Variants in ZFP91 observed in about 807,000 individuals in gnomAD.
The protein encoded by ZFP91 is E3 ubiquitin-protein ligase ZFP91.
A neutral mutation model predicts 63.5 loss-of-function variants in ZFP91; 7 were observed. The observed-to-expected ratio is 0.11, with a 90% CI of 0.06 to 0.21. ZFP91 has a LOEUF of 0.21. Ranked by LOEUF, ZFP91 falls within the 10% of genes least tolerant of loss-of-function variation. ZFP91 has a pLI of 1.00. For synonymous variants in ZFP91, 330 were observed against 272.1 expected (o/e 1.21, Z -2.10); for missense variants, 628 against 736.6 (o/e 0.85, Z 1.71).
At chr11:58,595,723 C>T (rs1423298530) in intron 2 of ZFP91, among the ~76,000 whole-genome samples, 3 of 151,516 alleles carry the variant, frequency 2.0e-5, no homozygotes, top group South Asian at 2.1e-4. Flanking sequence ...GACTGGTGTG[C>T]GCCACCACCG....
At position 58,579,120 on chromosome 11, in the gene ZFP91, G is replaced by A; in HGVS notation, c.-162G>A. 1.9e-6 allele frequency: 1 copy of A among 537,600 alleles called. No homozygotes were observed. The highest frequency in any genetic ancestry group is 4.6e-5 in the Admixed American group (1 of 21,870). 33.3% of individuals were successfully genotyped at this position (537,600 alleles called of 1,614,324 possible). On this transcript the variant is annotated 5_prime_UTR_variant, in exon 1 of 11. Transcript: ENST00000316059. Reference sequence around the variant, plus strand: ...GGACCTTGAGTGGCAGGGGGTGGGGGGGGCGCCCTCGGAGCCGGGCGGAGG... The same window carrying A: ...GGACCTTGAGTGGCAGGGGGTGGGGAGGGCGCCCTCGGAGCCGGGCGGAGG...
rs572972321 is a variant in ZFP91, at chr11:58,618,404, G to T, written c.*698G>T. On this transcript the variant is annotated 3_prime_UTR_variant, in exon 11 of 11. Transcript: ENST00000316059. ...ATGGTGCTCACTTGCTTGGAAGCAG[G>T]CTCCCAATAGGGAGGGGGCTGCCCT... 1.1e-5 allele frequency: 3 copies of T among 272,244 alleles called. 1 individual carries two copies. The highest frequency in any genetic ancestry group is 1.1e-4 in the South Asian group (3 of 28,088). 16.9% of individuals were successfully genotyped at this position (272,244 alleles called of 1,614,324 possible). A position where few individuals can be genotyped will look rare whatever the true frequency, so the allele number is the denominator to read the frequency against.
Position 58,612,765 on chromosome 11 carries a change from A to T in ZFP91, c.912A>T (p.Lys304Asn). 6.2e-7 allele frequency: 1 copy of T among 1,604,312 alleles called. No homozygotes were observed. The highest frequency in any genetic ancestry group is 2.2e-5 in the East Asian group (1 of 44,816). Reference protein sequence around the residue: ...DKSPRLPKRRKKPPIQYVRCE... With the variant: ...DKSPRLPKRRNKPPIQYVRCE... Reference sequence around the variant, plus strand: ...TTCTTCTGCATTTTGATAATAGAAAAAAGCCTCCAATCCAGTATGTCCGTT... The same window carrying T: ...TTCTTCTGCATTTTGATAATAGAAATAAGCCTCCAATCCAGTATGTCCGTT... The change falls in exon 8 of 11, where the codon AAA becomes AAT. Residue 304 changes from lysine to asparagine, a missense_variant. Coordinates refer to ENST00000316059, the MANE Select transcript of ZFP91 (RefSeq NM_053023.5).
chr11:58,616,199 T>C (rs541287798), intron 9 of ZFP91, among the ~76,000 whole-genome samples: 2 of 152,348 alleles, frequency 1.3e-5, no homozygotes, highest in African/African-American at 4.8e-5. Flanking sequence ...GAAAAGTTTA[T>C]CTTGAGTAAC....
At chr11:58,607,659 G>A (rs538733076) in intron 2 of ZFP91, among the ~76,000 whole-genome samples, 29 of 151,998 alleles carry the variant, frequency 1.9e-4, no homozygotes, top group Non-Finnish European at 4.3e-4. Flanking sequence ...TGTAATTAAA[G>A]CTAAAATAGC....
chr11:58,593,075 T>G (rs886372916), intron 2 of ZFP91, among the ~76,000 whole-genome samples: 2 of 152,186 alleles, frequency 1.3e-5, no homozygotes, highest in African/African-American at 4.8e-5. Flanking sequence ...CCACCCCCAT[T>G]ACACAAACAC....
chr11:58,615,949 CTT>C (rs1855742655), intron 9 of ZFP91, among the ~76,000 whole-genome samples: 1 of 152,194 alleles, frequency 6.6e-6, no homozygotes. Context: ...GAGAGCATCT[CTT>C]TGTGCACGGG....
intron 2 of ZFP91, among the ~76,000 whole-genome samples, chr11:58,592,957 G>A (rs755009162): frequency 2.0e-5 from 3 of 152,050 alleles, no homozygotes; most frequent in Non-Finnish European, 4.4e-5. Flanking sequence ...GAGTGAGAGC[G>A]AGAGAGAGGG....
chr11:58,609,870 C>A lies in ZFP91; in HGVS notation c.411C>A (p.Leu137=), dbSNP rs1262554647. The change falls in exon 3 of 11, where the codon CTC becomes CTA. Residue 137 remains leucine (L), a synonymous_variant. Coordinates refer to ENST00000316059, the MANE Select transcript of ZFP91 (RefSeq NM_053023.5). The stretch of plus-strand genomic sequence containing the variant: ...AAGAGGAAGAAGACGATTCTGCCCT[C>A]CCTCAGGAAGTTTCCATTGCTGCAT... ...EEKEEEDDSA[L]PQEVSIAASR... 6.2e-7 allele frequency: 1 copy of A among 1,614,184 alleles called. No individual in the cohort carries two copies. Among genetic ancestry groups the A allele is most frequent in the Admixed American group, 1.7e-5 (1 of 60,024 alleles).
intron 2 of ZFP91, among the ~76,000 whole-genome samples, chr11:58,586,614 C>T (rs1855214205): frequency 6.6e-6 from 1 of 152,120 alleles, no homozygotes; most frequent in Admixed American, 6.6e-5. Context: ...GGTAGCTGTT[C>T]AACTCTATGA....
At chr11:58,610,533 C>T (rs1253305700) in intron 4 of ZFP91, among the ~76,000 whole-genome samples, 199 bp downstream of exon 4, 1 of 152,168 alleles carries the variant, frequency 6.6e-6, no homozygotes, top group Non-Finnish European at 1.5e-5. Flanking sequence ...GCTTAGAAAT[C>T]ATGTCTTGAG....
rs2134389321 is a variant in ZFP91, at chr11:58,584,838, G to T, written c.342-18G>T. 6.5e-7 allele frequency: 1 copy of T among 1,539,508 alleles called. No individual in the cohort carries two copies. The highest frequency in any genetic ancestry group is 1.3e-5 in the South Asian group (1 of 77,138). ...TGTGCTAGATTGTTCATTAATGTTTGATTCTTATTTCTTTCAGATGCATAG... is the reference window on the plus strand; with the variant it reads ...TGTGCTAGATTGTTCATTAATGTTTTATTCTTATTTCTTTCAGATGCATAG... On this transcript the variant is annotated intron_variant, in intron 1 of 10. Transcript: ENST00000316059.
At chr11:58,598,090 A>G (rs1855432760) in intron 2 of ZFP91, among the ~76,000 whole-genome samples, 1 of 152,206 alleles carries the variant, frequency 6.6e-6, no homozygotes, top group Admixed American at 6.5e-5. Flanking sequence ...CAATAGCAAC[A>G]GGAGATAGCT....
chr11:58,608,219 T>C (rs555655883), intron 2 of ZFP91, among the ~76,000 whole-genome samples: 1 of 151,942 alleles, frequency 6.6e-6, no homozygotes, highest in Non-Finnish European at 1.5e-5. Context: ...TATATATCTC[T>C]CTCTTACATA....
At position 58,609,945 on chromosome 11, in the gene ZFP91, T is replaced by C; in HGVS notation, c.486T>C (p.His162=). The change falls in exon 3 of 11, where the codon CAT becomes CAC. Residue 162 remains histidine (H), a synonymous_variant. Transcript: ENST00000316059. ...WRSSRTSVSR[H]RDTENTRSSR... is the part of the protein sequence containing the mutation. ...GTAGTAGGACATCTGTTTCTCGCCA[T>C]CGTGATACAGAGAACACCCGAAGCT... 2 of 1,614,212 alleles carry C rather than the reference T, an allele frequency of 1.2e-6. No homozygotes were observed. The highest frequency in any genetic ancestry group is 8.5e-7 in the Non-Finnish European group (1 of 1,180,018).
chr11:58,610,466 C>T, intron 4 of ZFP91, 132 bp downstream of exon 4: 2 of 779,266 alleles, frequency 2.6e-6, no homozygotes, highest in Non-Finnish European at 3.9e-6. Context: ...TTTGATACTG[C>T]ATTTAGATTC....
Position 58,598,749 on chromosome 11 carries a change from CGTGTGTGTGT to C in ZFP91, c.371-11052_371-11043del, listed in dbSNP as rs56110499. Among the ~76,000 whole-genome samples, 35 of 120,902 alleles carry C rather than the reference CGTGTGTGTGT, an allele frequency of 2.9e-4. No homozygotes were observed. The Middle Eastern group carries it at 0.032, about 111-fold the overall frequency. The allele number at this position is 120,902 out of a possible 152,430, so 79.3% of individuals were successfully genotyped here. A position where few individuals can be genotyped will look rare whatever the true frequency, so the allele number is the denominator to read the frequency against. ...AGAAACCTGGCAATACTTTTGTGCA[CGTGTGTGTGT>C]GTGTGTGTGTGTGTGTGTGTGTGTG... On this transcript the variant is annotated intron_variant, in intron 2 of 10. Coordinates refer to ENST00000316059, the MANE Select transcript of ZFP91 (RefSeq NM_053023.5).
At chr11:58,610,456 T>A in intron 4 of ZFP91, 122 bp downstream of exon 4, 1 of 882,526 alleles carries the variant, frequency 1.1e-6, no homozygotes, top group Admixed American at 3.1e-5. Flanking sequence ...TAACTTCAGT[T>A]TTGATACTGC....
At chr11:58,612,460 C>A in intron 7 of ZFP91, 132 bp downstream of exon 7, 1 of 778,732 alleles carries the variant, frequency 1.3e-6, no homozygotes, top group South Asian at 1.8e-5. Flanking sequence ...TCACTAATGT[C>A]CTAGATGCAC....
Sources: allele counts gnomAD v4.1 joint callset (sites outside exome capture counted in the v4.1 genomes callset), GRCh38; gene constraint gnomAD v4.1.1; transcripts MANE v1.5; gene names NCBI Gene and HGNC (gene_info 2026-07-23, HGNC 2026-07-21).